ZFP14: variants seen among roughly 807,000 people sequenced by gnomAD.
The protein encoded by ZFP14 is ZFP14 zinc finger protein.
A neutral mutation model predicts 54.5 loss-of-function variants in ZFP14; 22 were observed. The observed-to-expected ratio is 0.40, with a 90% CI of 0.29 to 0.58. The LOEUF (loss-of-function observed/expected upper bound fraction) is 0.58, where lower values mean the gene tolerates loss of function less well. ZFP14 is among the 20% of genes least tolerant of loss of function. ZFP14 has a pLI of 0.39. For missense variants in ZFP14, 470 were observed against 637.8 expected (o/e 0.74, Z 2.83); for synonymous variants, 159 against 204.0 (o/e 0.78, Z 1.88).
intron 1 of ZFP14, among the ~76,000 whole-genome samples, chr19:36,372,058 G>A (rs1417892534): frequency 7.6e-6 from 1 of 131,306 alleles, no homozygotes; most frequent in Non-Finnish European, 1.6e-5. Context: ...AGGAAAGAAA[G>A]AAAAAGAAGA....
intron 4 of ZFP14, among the ~76,000 whole-genome samples, chr19:36,352,268 T>C (rs2031540258): frequency 1.4e-5 from 2 of 141,518 alleles, no homozygotes; most frequent in Non-Finnish European, 3.1e-5. Context: ...AATAAGTAAA[T>C]AATGTACTTG....
At chr19:36,377,211 C>T (rs551753116) in intron 1 of ZFP14, among the ~76,000 whole-genome samples, 2 of 152,098 alleles carry the variant, frequency 1.3e-5, no homozygotes, top group African/African-American at 4.8e-5. Flanking sequence ...ATCAAAGAGA[C>T]CTAGTGGGTA....
rs1464442825 is a variant in ZFP14, at chr19:36,377,553, A to AG, written c.-80+1609_-80+1610insC. On this transcript the variant is annotated intron_variant, in intron 1 of 4. Transcript: ENST00000270001. ...AGAGTGAGACCCTGTCTCTAAAAAA[A>AG]AAAAAAAAACTTAAGTAACAAAATA... 3.3e-5 allele frequency among the ~76,000 whole-genome samples: 5 copies of AG among 151,266 alleles called. No homozygotes were observed. In the South Asian group the frequency reaches 6.3e-4, roughly 19 times the overall value.
chr19:36,356,566 C>T (rs1202478679), intron 4 of ZFP14, among the ~76,000 whole-genome samples: 1 of 152,134 alleles, frequency 6.6e-6, no homozygotes, highest in Non-Finnish European at 1.5e-5. Flanking sequence ...AAAACCACCA[C>T]CAAAATCAAG....
intron 1 of ZFP14, among the ~76,000 whole-genome samples, chr19:36,377,863 A>C (rs562782611): frequency 3.4e-4 from 52 of 152,124 alleles, no homozygotes; most frequent in East Asian, 1.9e-3. Context: ...ACAAAAAAAA[A>C]CAAAACAAAA....
rs35784696 is a variant in ZFP14 at position 36,352,940 on chromosome 19, C to CA, written c.235+7494dup. Among the ~76,000 whole-genome samples, 860 of 93,806 alleles carry CA rather than the reference C, an allele frequency of 9.2e-3. 49 individuals are homozygous for CA. The highest frequency in any genetic ancestry group is 0.029 in the East Asian group (92 of 3,180). The allele number at this position is 93,806 out of a possible 152,430, so 61.5% of individuals were successfully genotyped here. On this transcript the variant is annotated intron_variant, in intron 4 of 4. Coordinates refer to ENST00000270001, the MANE Select transcript of ZFP14 (RefSeq NM_020917.3). ...CGGGCGACAGAGCGAGACTCTGTCT[C>CA]AAAAAAAAAAAAAAAATTAGCCATG...
rs927909245 is a variant in ZFP14, at chr19:36,337,907, A to C, written c.*2317T>G. ...ATTGAAGATCATGTTTTCTGGACCC[A>C]TTATTCCATTAAGGTCTAGAAAATG... is the stretch of plus-strand genomic sequence containing the variant. On this transcript the variant is annotated 3_prime_UTR_variant, in exon 5 of 5. Transcript: ENST00000270001. The C allele has an allele frequency of 2.6e-5, 4 of 152,220 alleles. No homozygotes were observed. The highest frequency in any genetic ancestry group is 9.6e-5 in the African/African-American group (4 of 41,454). The allele number at this position is 152,220 out of a possible 1,614,324, so 9.4% of individuals were successfully genotyped here. A position where few individuals can be genotyped will look rare whatever the true frequency, so the allele number is the denominator to read the frequency against.
intron 1 of ZFP14, among the ~76,000 whole-genome samples, chr19:36,368,740 C>A (rs1253337504): frequency 6.6e-6 from 1 of 152,154 alleles, no homozygotes; most frequent in Non-Finnish European, 1.5e-5. Flanking sequence ...CAGCTTCTGC[C>A]AATGTGAGGC....
intron 4 of ZFP14, among the ~76,000 whole-genome samples, chr19:36,350,926 A>G (rs897355348): frequency 1.4e-5 from 2 of 143,260 alleles, no homozygotes; most frequent in African/African-American, 5.1e-5. Flanking sequence ...TATTCTCCAC[A>G]AAAATAAAGA....
chr19:36,379,167 C>T lies in ZFP14; in HGVS notation c.-84G>A, dbSNP rs1288951440. On this transcript the variant is annotated 5_prime_UTR_variant, in exon 1 of 5. Transcript: ENST00000270001. Reference sequence around the variant, plus strand: ...CGGTGCAAGCGACCAACTCACCTCTCGGAGCCGACACCAGCAGCGAAGCCG... The same window carrying T: ...CGGTGCAAGCGACCAACTCACCTCTTGGAGCCGACACCAGCAGCGAAGCCG... 6.5e-6 allele frequency: 1 copy of T among 152,738 alleles called. No homozygotes were observed. The highest frequency in any genetic ancestry group is 2.4e-5 in the African/African-American group (1 of 41,462). 9.5% of individuals were successfully genotyped at this position (152,738 alleles called of 1,614,324 possible). A position where few individuals can be genotyped will look rare whatever the true frequency, so the allele number is the denominator to read the frequency against.
chr19:36,378,332 T>C (rs1388354942), intron 1 of ZFP14: 1 of 152,146 alleles, frequency 6.6e-6, no homozygotes, highest in East Asian at 1.9e-4. Flanking sequence ...AACTGTAATC[T>C]CTCAAAGAGG....
chr19:36,339,494 A>G lies in ZFP14; in HGVS notation c.*730T>C, dbSNP rs1262622729. 1 of 152,186 alleles carries G rather than the reference A, an allele frequency of 6.6e-6. No individual in the cohort carries two copies. The highest frequency in any genetic ancestry group is 1.5e-5 in the Non-Finnish European group (1 of 68,042). The allele number at this position is 152,186 out of a possible 1,614,324, so 9.4% of individuals were successfully genotyped here. On this transcript the variant is annotated 3_prime_UTR_variant, in exon 5 of 5. Transcript: ENST00000270001. ...AATGTTACTTCCATGATTAGATTAC[A>G]CAAGATGGTAACTTCCATCTTGCTA...
intron 2 of ZFP14, among the ~76,000 whole-genome samples, chr19:36,366,216 C>G (rs559754542): frequency 6.6e-6 from 1 of 151,588 alleles, no homozygotes; most frequent in Non-Finnish European, 1.5e-5. Flanking sequence ...TGCAGTGAGC[C>G]GAGATCCTGC....
chr19:36,349,230 T>TC (rs2031473478), intron 4 of ZFP14, among the ~76,000 whole-genome samples: 1 of 14,658 alleles, frequency 6.8e-5, no homozygotes, highest in African/African-American at 3.0e-4. Context: ...GAACTCTGTC[T>TC]CAAAAAAAAA....
At chr19:36,374,346 C>T (rs1159526341) in intron 1 of ZFP14, among the ~76,000 whole-genome samples, 1 of 151,868 alleles carries the variant, frequency 6.6e-6, no homozygotes. Flanking sequence ...AAAAATTAGC[C>T]GGGCATGATG....
intron 1 of ZFP14, among the ~76,000 whole-genome samples, chr19:36,372,258 TA>T (rs2031891391): frequency 6.8e-6 from 1 of 147,750 alleles, no homozygotes; most frequent in Non-Finnish European, 1.5e-5. Context: ...AGGGCAGAAA[TA>T]AATGACACAG....
chr19:36,342,750 A>C (rs1230941847), intron 4 of ZFP14, among the ~76,000 whole-genome samples: 1 of 151,610 alleles, frequency 6.6e-6, no homozygotes, highest in Non-Finnish European at 1.5e-5. Context: ...TCCTCTGGGG[A>C]GGGAGACCTG....
At chr19:36,350,206 A>T (rs2031502121) in intron 4 of ZFP14, among the ~76,000 whole-genome samples, 1 of 143,050 alleles carries the variant, frequency 7.0e-6, no homozygotes, top group Non-Finnish European at 1.6e-5. Flanking sequence ...CATATGTGTA[A>T]CTCACACAGA....
rs1360601619 is a variant in ZFP14, at chr19:36,334,774, A to G, written c.*5450T>C. On this transcript the variant is annotated 3_prime_UTR_variant, in exon 5 of 5. Coordinates refer to ENST00000270001, the MANE Select transcript of ZFP14 (RefSeq NM_020917.3). Reference sequence around the variant, plus strand: ...CCTATTCCAGATATTCGGACTGAGAATTCCACAATAAATTTGAGATACACT... The same window carrying G: ...CCTATTCCAGATATTCGGACTGAGAGTTCCACAATAAATTTGAGATACACT... 6.6e-6 allele frequency: 1 copy of G among 152,252 alleles called. No homozygotes were observed. The highest frequency in any genetic ancestry group is 1.5e-5 in the Non-Finnish European group (1 of 68,036). 9.4% of individuals were successfully genotyped at this position (152,252 alleles called of 1,614,324 possible). A position where few individuals can be genotyped will look rare whatever the true frequency, so the allele number is the denominator to read the frequency against.
Sources: gnomAD v4.1 joint callset for allele counts (sites outside exome capture counted in the v4.1 genomes callset) on GRCh38, gnomAD v4.1.1 for gene constraint, MANE v1.5 for transcripts, NCBI Gene and HGNC (gene_info 2026-07-23, HGNC 2026-07-21) for gene names.